SRPK2: variants seen among roughly 807,000 people sequenced by gnomAD.
SRPK2 encodes the protein SFRS protein kinase 2.
In SRPK2, 21 loss-of-function variants were observed where a neutral mutation model predicts 90.8. That is an observed-to-expected ratio of 0.23 (90% CI 0.16 to 0.33). SRPK2 has a LOEUF of 0.33. Ranked by LOEUF, SRPK2 falls within the 10% of genes least tolerant of loss-of-function variation. The pLI, the probability that SRPK2 is intolerant of heterozygous loss-of-function variation, is 1.00. For missense variants in SRPK2, 620 were observed against 869.0 expected, an observed-to-expected ratio of 0.71 and a Z score of 3.60; for synonymous variants, 288 against 311.1, an observed-to-expected ratio of 0.93 and a Z score of 0.78.
At chr7:105,382,409 T>C (rs966921181) in intron 2 of SRPK2, among the ~76,000 whole-genome samples, 4 of 146,130 alleles carry the variant, frequency 2.7e-5, no homozygotes, top group African/African-American at 1.0e-4. Flanking sequence ...AAAATTAGCC[T>C]GGCATGGTGG....
intron 15 of SRPK2, among the ~76,000 whole-genome samples, chr7:105,120,843 T>A (rs1331390680): frequency 6.6e-6 from 1 of 152,154 alleles, no homozygotes; most frequent in Non-Finnish European, 1.5e-5. Context: ...CAACTCTGTA[T>A]CTATTGCTAG....
intron 2 of SRPK2, among the ~76,000 whole-genome samples, chr7:105,219,165 A>G (rs1000110367): frequency 6.6e-6 from 1 of 152,130 alleles, no homozygotes; most frequent in African/African-American, 2.4e-5. Context: ...CCACACTCCC[A>G]CACCTCCAGT....
At chr7:105,360,176 T>C (rs1013416517) in intron 2 of SRPK2, among the ~76,000 whole-genome samples, 2 of 152,220 alleles carry the variant, frequency 1.3e-5, no homozygotes, top group African/African-American at 4.8e-5. Flanking sequence ...GTTTAAAGTC[T>C]GTTTTATCAG....
chr7:105,157,886 A>C (rs1806767566), intron 7 of SRPK2, among the ~76,000 whole-genome samples: 1 of 152,130 alleles, frequency 6.6e-6, no homozygotes, highest in South Asian at 2.1e-4. Flanking sequence ...TGAGCAACAC[A>C]GTGAGACCCC....
rs571596167 is a variant in SRPK2, at chr7:105,301,432, G to T, written c.71+87216C>A. On this transcript the variant is annotated intron_variant, in intron 2 of 15. Coordinates refer to ENST00000393651, the MANE Select transcript of SRPK2 (RefSeq NM_182692.3). ...CCCCCACAACCAAGGCGCCAAAGGG[G>T]GTCGCCGGGCCTCTGGGCCGCTGCC... 2,117 of 720,974 alleles carry T rather than the reference G, an allele frequency of 2.9e-3. 5 individuals are homozygous for T. Among genetic ancestry groups the T allele is most frequent in the Non-Finnish European group, 3.9e-3 (1,620 of 415,030 alleles). The allele number at this position is 720,974 out of a possible 1,614,324, so 44.7% of individuals were successfully genotyped here.
chr7:105,358,285 C>A (rs569546602), intron 2 of SRPK2, among the ~76,000 whole-genome samples: 2 of 150,336 alleles, frequency 1.3e-5, no homozygotes, highest in African/African-American at 4.9e-5. Context: ...AAACCAGAAG[C>A]CTTATCAATA....
chr7:105,261,022 T>TTAAA (rs368334222), intron 2 of SRPK2, among the ~76,000 whole-genome samples: 5 of 116,038 alleles, frequency 4.3e-5, no homozygotes, highest in Admixed American at 9.5e-5. Context: ...CCCTAGAAAT[T>TTAAA]AAAAAAAAAA....
At chr7:105,148,639 A>G (rs1805022521) in intron 7 of SRPK2, among the ~76,000 whole-genome samples, 1 of 152,198 alleles carries the variant, frequency 6.6e-6, no homozygotes, top group Admixed American at 6.5e-5. Context: ...ACATCATCCA[A>G]TGTAGGGAAA....
At chr7:105,148,124 C>A (rs990508317) in intron 7 of SRPK2, among the ~76,000 whole-genome samples, 2 of 152,160 alleles carry the variant, frequency 1.3e-5, no homozygotes, top group Admixed American at 6.5e-5. Flanking sequence ...ATTCCTATCA[C>A]CAATGTATGA....
At chr7:105,183,974 ATTTTTT>A (rs57622134) in intron 3 of SRPK2, among the ~76,000 whole-genome samples, 8 of 116,280 alleles carry the variant, frequency 6.9e-5, no homozygotes, top group South Asian at 5.3e-4. Flanking sequence ...ACTATTACCA[ATTTTTT>A]TTTTTTTTTT....
At chr7:105,275,997 TA>T (rs1190880096) in intron 2 of SRPK2, among the ~76,000 whole-genome samples, 1 of 152,200 alleles carries the variant, frequency 6.6e-6, no homozygotes, top group Non-Finnish European at 1.5e-5. Flanking sequence ...GCAAATTTAA[TA>T]AACTTCCTTT....
intron 13 of SRPK2, among the ~76,000 whole-genome samples, chr7:105,127,471 C>T (rs557530890): frequency 2.0e-4 from 31 of 152,350 alleles, no homozygotes; most frequent in Admixed American, 9.1e-4. Flanking sequence ...ATAGCAGACA[C>T]TGCTGCGTCT....
At chr7:105,149,257 G>A (rs1805169428) in intron 7 of SRPK2, among the ~76,000 whole-genome samples, 1 of 152,222 alleles carries the variant, frequency 6.6e-6, no homozygotes, top group South Asian at 2.1e-4. Flanking sequence ...GGTGGGAGGT[G>A]AGACATGTTT....
intron 2 of SRPK2, among the ~76,000 whole-genome samples, chr7:105,369,784 T>C (rs1819496677): frequency 1.3e-5 from 2 of 151,960 alleles, no homozygotes; most frequent in Admixed American, 6.6e-5. Flanking sequence ...TCCCAGTACT[T>C]TGGGAAGATG....
intron 2 of SRPK2, among the ~76,000 whole-genome samples, chr7:105,281,433 C>T (rs1477620071): frequency 6.6e-6 from 1 of 152,116 alleles, no homozygotes; most frequent in East Asian, 1.9e-4. Context: ...ATTACATTTG[C>T]ACCAACCTAA....
intron 1 of SRPK2, among the ~76,000 whole-genome samples, chr7:105,396,135 G>A (rs963943470): frequency 4.6e-5 from 7 of 151,620 alleles, no homozygotes; most frequent in South Asian, 2.1e-4. Context: ...GGCTGGTCTC[G>A]AACTCCCGAC....
At chr7:105,167,194 C>T (rs949204134) in intron 6 of SRPK2, among the ~76,000 whole-genome samples, 183 bp downstream of exon 6, 1 of 152,182 alleles carries the variant, frequency 6.6e-6, no homozygotes, top group Non-Finnish European at 1.5e-5. Flanking sequence ...TAAGATGCTA[C>T]TCTACCAAAC....
chr7:105,376,054 C>T (rs1370984365), intron 2 of SRPK2, among the ~76,000 whole-genome samples: 3 of 117,232 alleles, frequency 2.6e-5, no homozygotes, highest in Non-Finnish European at 4.8e-5. Context: ...AGTGCAGTGT[C>T]GTGATCTCAG....
Position 105,357,319 on chromosome 7 carries a change from G to A in SRPK2, c.71+31329C>T, listed in dbSNP as rs567020740. 6.0e-4 allele frequency among the ~76,000 whole-genome samples: 92 copies of A among 152,288 alleles called. 2 individuals are homozygous for A. Among genetic ancestry groups the A allele is most frequent in the African/African-American group, 9.6e-4 (40 of 41,574 alleles). On this transcript the variant is annotated intron_variant, in intron 2 of 15. Transcript: ENST00000393651. ...CTCCCAAAGTGCTGCGATTACAGGC[G>A]TGAGCCACTGCGCCCAGCCAAATAA...
Sources: allele counts gnomAD v4.1 joint callset (sites outside exome capture counted in the v4.1 genomes callset), GRCh38; gene constraint gnomAD v4.1.1; transcripts MANE v1.5; gene names NCBI Gene and HGNC (gene_info 2026-07-23, HGNC 2026-07-21).